Variants in DLGAP1 observed in about 807,000 individuals in gnomAD.
The protein encoded by DLGAP1 is DLG associated protein 1, also known as disks large-associated protein 1.
Under a neutral mutation model 90.8 loss-of-function variants are expected in DLGAP1, and 11 were observed. The observed-to-expected ratio is 0.12, with a 90% CI of 0.08 to 0.20. The LOEUF is 0.20. Ranked by LOEUF, DLGAP1 falls within the 10% of genes least tolerant of loss-of-function variation. The pLI, the probability that DLGAP1 is intolerant of heterozygous loss-of-function variation, is 1.00. For synonymous variants in DLGAP1, 558 were observed against 540.7 expected (o/e 1.03, Z -0.44); for missense variants, 1,050 against 1,333.8 (o/e 0.79, Z 3.31).
intron 7 of DLGAP1, among the ~76,000 whole-genome samples, chr18:3,714,352 A>C (rs1297154074): frequency 6.6e-6 from 1 of 152,204 alleles, no homozygotes; most frequent in Admixed American, 6.5e-5. Context: ...TCTCAAACAC[A>C]GCCATAGGTT....
intron 3 of DLGAP1, among the ~76,000 whole-genome samples, chr18:3,892,893 A>AAT (rs925802915): frequency 7.5e-5 from 11 of 146,164 alleles, no homozygotes; most frequent in Non-Finnish European, 1.5e-5. Flanking sequence ...AAGAATTATA[A>AAT]ATATATATAA....
At chr18:3,674,257 C>T (rs1232048603) in intron 7 of DLGAP1, among the ~76,000 whole-genome samples, 2 of 144,238 alleles carry the variant, frequency 1.4e-5, no homozygotes, top group African/African-American at 2.6e-5. Flanking sequence ...TTGAGAACAG[C>T]CTGGGCAACA....
At chr18:4,078,731 T>C (rs2143574933) in intron 2 of DLGAP1, among the ~76,000 whole-genome samples, 1 of 152,274 alleles carries the variant, frequency 6.6e-6, no homozygotes, top group African/African-American at 2.4e-5. Flanking sequence ...TCATGTTTCT[T>C]GGGTGGGAGA....
intron 2 of DLGAP1, among the ~76,000 whole-genome samples, chr18:4,112,276 G>GA (rs1015286103): frequency 3.9e-5 from 6 of 151,952 alleles, no homozygotes; most frequent in African/African-American, 1.4e-4. Flanking sequence ...GTTGTGGTAA[G>GA]AAAAAATAAT....
At chr18:3,926,730 T>C (rs1018607686) in intron 3 of DLGAP1, among the ~76,000 whole-genome samples, 1 of 152,116 alleles carries the variant, frequency 6.6e-6, no homozygotes, top group African/African-American at 2.4e-5. Context: ...ATTTCCTAGA[T>C]CTGTCTCTTG....
chr18:4,444,921 G>T (rs2083623407), intron 1 of DLGAP1, among the ~76,000 whole-genome samples: 1 of 152,116 alleles, frequency 6.6e-6, no homozygotes, highest in East Asian at 1.9e-4. Flanking sequence ...AAATTAATTT[G>T]TCCAAAGTCG....
At chr18:3,980,284 C>A (rs971550945) in intron 3 of DLGAP1, among the ~76,000 whole-genome samples, 17 of 152,146 alleles carry the variant, frequency 1.1e-4, no homozygotes, top group African/African-American at 4.1e-4. Flanking sequence ...GAACCTACGG[C>A]CTCAAGTGAG....
At chr18:4,375,223 A>C (rs1368277199) in intron 1 of DLGAP1, among the ~76,000 whole-genome samples, 1 of 152,118 alleles carries the variant, frequency 6.6e-6, no homozygotes. Context: ...TGTGTTTTTC[A>C]GTGAAATATT....
intron 2 of DLGAP1, among the ~76,000 whole-genome samples, chr18:4,065,533 C>T (rs926813135): frequency 3.9e-5 from 6 of 151,976 alleles, no homozygotes; most frequent in Non-Finnish European, 8.8e-5. Flanking sequence ...CAACAACAGC[C>T]AAGCTGAGAG....
chr18:4,285,813 AG>A (rs2079675601), intron 1 of DLGAP1, among the ~76,000 whole-genome samples: 1 of 152,228 alleles, frequency 6.6e-6, no homozygotes, highest in Admixed American at 6.5e-5. Flanking sequence ...CTATTGCTAC[AG>A]GTGCAAACTC....
At position 4,115,494 on chromosome 18, in the gene DLGAP1, C is replaced by CTTTT. The variant is rs1555742760; in HGVS notation, c.-159+35682_-159+35685dup. On this transcript the variant is annotated intron_variant, in intron 2 of 12. Coordinates refer to ENST00000315677, the MANE Select transcript of DLGAP1 (RefSeq NM_004746.4). ...ATTTTCTTCCTTTCTTTCTTTCTTTCTTTTTTTTTGAGACGGAGTCTTGCT... is the reference window on the plus strand; with the variant it reads ...ATTTTCTTCCTTTCTTTCTTTCTTTCTTTTTTTTTTTTTGAGACGGAGTCTTGCT... Among the ~76,000 whole-genome samples, 196 of 146,266 alleles carry CTTTT rather than the reference C, an allele frequency of 1.3e-3. 1 individual carries two copies. The highest frequency in any genetic ancestry group is 5.0e-3 in the African/African-American group (183 of 36,620).
At chr18:3,766,588 T>G (rs2064255002) in intron 5 of DLGAP1, among the ~76,000 whole-genome samples, 1 of 151,798 alleles carries the variant, frequency 6.6e-6, no homozygotes, top group Non-Finnish European at 1.5e-5. Flanking sequence ...AAAAAAAAAC[T>G]CAACAAACTT....
intron 2 of DLGAP1, among the ~76,000 whole-genome samples, chr18:4,031,455 C>T (rs2074794794): frequency 6.6e-6 from 1 of 152,042 alleles, no homozygotes; most frequent in South Asian, 2.1e-4. Flanking sequence ...GTAAGTGCAC[C>T]CGGAAAGGGT....
chr18:3,800,666 G>T (rs1465423480), intron 5 of DLGAP1, among the ~76,000 whole-genome samples: 2 of 151,518 alleles, frequency 1.3e-5, no homozygotes, highest in Non-Finnish European at 2.9e-5. Flanking sequence ...AGGGGAGGGG[G>T]ACTTTAACAC....
intron 4 of DLGAP1, chr18:3,874,397 G>A: frequency 6.9e-7 from 1 of 1,448,450 alleles, no homozygotes; most frequent in African/African-American, 1.4e-5. Context: ...TGTTTGAAGG[G>A]ATTTTTCTTT....
At chr18:3,849,972 A>C (rs1260677948) in intron 4 of DLGAP1, among the ~76,000 whole-genome samples, 1 of 152,098 alleles carries the variant, frequency 6.6e-6, no homozygotes, top group African/African-American at 2.4e-5. Context: ...TATAAATCTG[A>C]CCTTTCTATA....
intron 2 of DLGAP1, among the ~76,000 whole-genome samples, chr18:4,104,609 T>C (rs1224477644): frequency 6.6e-6 from 1 of 152,224 alleles, no homozygotes; most frequent in Non-Finnish European, 1.5e-5. Flanking sequence ...TGCTTTTCTA[T>C]CTTTGAAAGT....
chr18:3,707,833 T>C (rs1231395395), intron 7 of DLGAP1, among the ~76,000 whole-genome samples: 1 of 152,064 alleles, frequency 6.6e-6, no homozygotes, highest in Non-Finnish European at 1.5e-5. Flanking sequence ...AGGAATAAAG[T>C]TCTTCTAAAG....
chr18:3,813,189 T>C lies in DLGAP1; in HGVS notation c.1172+870A>G, dbSNP rs1487126059. On this transcript the variant is annotated intron_variant, in intron 5 of 12. Transcript: ENST00000315677. ...ACGACATTTCAGTTAATGATGCATA[T>C]AATATGGTTGTCCCATAAGATTATA... Among the ~76,000 whole-genome samples the C allele has an allele frequency of 2.0e-5, 3 of 152,352 alleles. No homozygotes were observed. The East Asian group carries it at 5.8e-4, about 29-fold the overall frequency.
Sources: allele counts gnomAD v4.1 joint callset (sites outside exome capture counted in the v4.1 genomes callset), GRCh38; gene constraint gnomAD v4.1.1; transcripts MANE v1.5; gene names NCBI Gene and HGNC (gene_info 2026-07-23, HGNC 2026-07-21).